Variants in GRID2 observed in about 807,000 individuals in gnomAD.
GRID2 encodes the protein glutamate ionotropic receptor delta type subunit 2.
In GRID2, 33 loss-of-function variants were observed where a neutral mutation model predicts 114.8. The ratio of observed to expected loss-of-function variants is 0.29; its 90% CI spans 0.22 to 0.38. The LOEUF is 0.38. Among genes scored for constraint, GRID2 ranks in the 10% least tolerant of loss-of-function variants. GRID2 has a pLI of 1.00. For missense variants in GRID2, 1,184 were observed against 1,257.7 expected (o/e 0.94, Z 0.89); for synonymous variants, 505 against 449.9 (o/e 1.12, Z -1.55).
intron 2 of GRID2, among the ~76,000 whole-genome samples, chr4:92,752,669 A>C (rs1197084257): frequency 6.6e-6 from 1 of 152,232 alleles, no homozygotes; most frequent in Non-Finnish European, 1.5e-5. Flanking sequence ...GTAATATGAT[A>C]CAGACTAGAC....
chr4:92,445,813 A>C (rs767978155), intron 1 of GRID2, among the ~76,000 whole-genome samples: 6 of 152,204 alleles, frequency 3.9e-5, no homozygotes, highest in Non-Finnish European at 8.8e-5. Context: ...CGTAATTCTA[A>C]ACTTTTTCCA....
At chr4:92,587,665 T>C (rs991996993) in intron 1 of GRID2, among the ~76,000 whole-genome samples, 3 of 152,212 alleles carry the variant, frequency 2.0e-5, no homozygotes, top group Non-Finnish European at 2.9e-5. Flanking sequence ...TCTGTGTACT[T>C]CCTTGCTGTT....
intron 2 of GRID2, among the ~76,000 whole-genome samples, chr4:92,610,702 C>A (rs529486737): frequency 6.6e-6 from 1 of 151,616 alleles, no homozygotes; most frequent in Non-Finnish European, 1.5e-5. Context: ...CATCACCCAA[C>A]AAGCTCTCTC....
At chr4:92,698,857 C>T (rs961075830) in intron 2 of GRID2, among the ~76,000 whole-genome samples, 4 of 151,814 alleles carry the variant, frequency 2.6e-5, no homozygotes, top group African/African-American at 4.8e-5. Context: ...AATATTGTCC[C>T]GACGCAAAAT....
chr4:93,396,026 A>G (rs1402442344), intron 9 of GRID2, among the ~76,000 whole-genome samples: 1 of 152,156 alleles, frequency 6.6e-6, no homozygotes, highest in Non-Finnish European at 1.5e-5. Context: ...TGTAGTGAAC[A>G]TAGATAGTCA....
At chr4:93,114,743 G>T (rs1159603574) in intron 4 of GRID2, among the ~76,000 whole-genome samples, 1 of 152,136 alleles carries the variant, frequency 6.6e-6, no homozygotes, top group Non-Finnish European at 1.5e-5. Context: ...GACCCTATTA[G>T]TGCTGGGAGC....
chr4:92,908,960 GAAAT>G (rs1454493931), intron 2 of GRID2, among the ~76,000 whole-genome samples: 1 of 152,142 alleles, frequency 6.6e-6, no homozygotes, highest in African/African-American at 2.4e-5. Context: ...AGTGATATGA[GAAAT>G]AAATTTGCTG....
chr4:92,541,597 G>C (rs530622063), intron 1 of GRID2, among the ~76,000 whole-genome samples: 1 of 151,674 alleles, frequency 6.6e-6, no homozygotes, highest in Non-Finnish European at 1.5e-5. Context: ...TTAATACATG[G>C]GGATACATGA....
At chr4:93,760,208 T>C (rs1021481432) in intron 14 of GRID2, among the ~76,000 whole-genome samples, 24 of 152,210 alleles carry the variant, frequency 1.6e-4, no homozygotes, top group African/African-American at 5.8e-4. Flanking sequence ...ATATGCACTG[T>C]TTTGAAAAGG....
At chr4:93,094,134 G>C (rs1328934249) in intron 3 of GRID2, among the ~76,000 whole-genome samples, 1 of 151,976 alleles carries the variant, frequency 6.6e-6, no homozygotes, top group Non-Finnish European at 1.5e-5. Flanking sequence ...TTAAAACCTT[G>C]AGTGGCACTT....
chr4:92,578,089 CTTCTTCT>C (rs1727988154), intron 1 of GRID2, among the ~76,000 whole-genome samples: 1 of 54,088 alleles, frequency 1.8e-5, no homozygotes, highest in African/African-American at 8.9e-5. Context: ...TCTTCTTCTT[CTTCTTCT>C]TCTTCTTCTT....
intron 2 of GRID2, chr4:92,838,663 A>G (rs1388509297): frequency 6.6e-6 from 1 of 152,122 alleles, no homozygotes; most frequent in Non-Finnish European, 1.5e-5. Flanking sequence ...TTAATATTTT[A>G]ACATGGAGAA....
At chr4:93,745,493 AG>A (rs1731767111) in intron 14 of GRID2, among the ~76,000 whole-genome samples, 1 of 152,096 alleles carries the variant, frequency 6.6e-6, no homozygotes, top group Non-Finnish European at 1.5e-5. Context: ...AGTGGGGATG[AG>A]GAATCTTTTT....
chr4:93,731,954 G>C (rs1730518469), intron 14 of GRID2, among the ~76,000 whole-genome samples: 1 of 152,128 alleles, frequency 6.6e-6, no homozygotes, highest in Non-Finnish European at 1.5e-5. Context: ...AGCAAGGATA[G>C]GATCTCTTCT....
chr4:93,762,017 T>G lies in GRID2; in HGVS notation c.2361-7193T>G, dbSNP rs74811996. ...GCTTCGATGCAAGATTACCTACGTTTTCCAAAGCTAGGATGAAAAAATTGA... is the reference window on the plus strand; with the variant it reads ...GCTTCGATGCAAGATTACCTACGTTGTCCAAAGCTAGGATGAAAAAATTGA... On this transcript the variant is annotated intron_variant, in intron 14 of 15. Coordinates refer to ENST00000282020, the MANE Select transcript of GRID2 (RefSeq NM_001510.4). Among the ~76,000 whole-genome samples, 1,073 of 152,276 alleles carry G rather than the reference T, an allele frequency of 7.0e-3. 15 individuals are homozygous for G. Among genetic ancestry groups the G allele is most frequent in the African/African-American group, 0.025 (1,025 of 41,560 alleles).
At chr4:92,890,370 G>C (rs1746679629) in intron 2 of GRID2, among the ~76,000 whole-genome samples, 1 of 152,052 alleles carries the variant, frequency 6.6e-6, no homozygotes, top group African/African-American at 2.4e-5. Context: ...CTATCCATCT[G>C]ACAAAAGTCT....
At position 92,375,387 on chromosome 4, in the gene GRID2, G is replaced by A. The variant is rs75792108; in HGVS notation, c.88+70643G>A. 8.0e-4 allele frequency among the ~76,000 whole-genome samples: 122 copies of A among 152,150 alleles called. No homozygotes were observed. In the East Asian group the frequency reaches 0.019, roughly 24 times the overall value. ...TTGTTGCTATTATTCATTGCATCTT[G>A]TGACTAGGTATGTCTTGGTGAATTT... On this transcript the variant is annotated intron_variant, in intron 1 of 15. Coordinates refer to ENST00000282020, the MANE Select transcript of GRID2 (RefSeq NM_001510.4).
At chr4:93,463,948 C>T (rs1184372228) in intron 11 of GRID2, among the ~76,000 whole-genome samples, 1 of 151,934 alleles carries the variant, frequency 6.6e-6, no homozygotes, top group African/African-American at 2.4e-5. Flanking sequence ...GAGATTGTGC[C>T]ACTGCACTCC....
chr4:92,701,152 T>C (rs1734658970), intron 2 of GRID2, among the ~76,000 whole-genome samples: 1 of 152,194 alleles, frequency 6.6e-6, no homozygotes, highest in Admixed American at 6.5e-5. Context: ...TTCTCATCTA[T>C]GAAATGAAGA....
Sources: allele counts gnomAD v4.1 joint callset (sites outside exome capture counted in the v4.1 genomes callset), GRCh38; gene constraint gnomAD v4.1.1; transcripts MANE v1.5; gene names NCBI Gene and HGNC (gene_info 2026-07-23, HGNC 2026-07-21).